HHAT: variants seen among roughly 807,000 people sequenced by gnomAD.
The protein encoded by HHAT is protein-cysteine N-palmitoyltransferase HHAT.
A neutral mutation model predicts 70.8 loss-of-function variants in HHAT; 47 were observed. The observed-to-expected ratio is 0.66, with a 90% CI of 0.53 to 0.85. HHAT has a LOEUF of 0.85. Ranked by LOEUF, HHAT falls within the 40% of genes least tolerant of loss-of-function variation. The pLI, the probability that HHAT is intolerant of heterozygous loss-of-function variation, is 0.00. For synonymous variants in HHAT, 228 were observed against 247.6 expected (o/e 0.92, Z 0.74); for missense variants, 609 against 604.8 (o/e 1.01, Z -0.07).
At chr1:210,501,788 A>G (rs1572876652) in intron 8 of HHAT, among the ~76,000 whole-genome samples, 1 of 152,326 alleles carries the variant, frequency 6.6e-6, no homozygotes, top group Non-Finnish European at 1.5e-5. Flanking sequence ...GGTACAGGCC[A>G]GTGCTTAGAA....
intron 8 of HHAT, among the ~76,000 whole-genome samples, chr1:210,499,285 C>A (rs17016349): frequency 0.31 from 47,392 of 151,992 alleles, 8,613 homozygotes; most frequent in East Asian, 0.6. Flanking sequence ...TGACAGTTCA[C>A]AAATTGTGGC....
intron 9 of HHAT, among the ~76,000 whole-genome samples, chr1:210,585,542 C>G (rs1660246157): frequency 6.6e-6 from 1 of 152,088 alleles, no homozygotes; most frequent in Admixed American, 6.5e-5. Flanking sequence ...CCTCAGCCTT[C>G]CAAGTAGCTG....
chr1:210,544,471 C>T (rs552120757), intron 9 of HHAT, among the ~76,000 whole-genome samples: 1 of 144,266 alleles, frequency 6.9e-6, no homozygotes, highest in East Asian at 2.3e-4. Flanking sequence ...CTCCCGGGTT[C>T]AAGGAATTCT....
chr1:210,374,124 C>T (rs193197357), intron 3 of HHAT: 30 of 107,616 alleles, frequency 2.8e-4, no homozygotes, highest in African/African-American at 5.0e-4. Flanking sequence ...TAATGTTTTC[C>T]TCTTTAAGTC....
At chr1:210,470,358 C>G (rs1200129339) in intron 8 of HHAT, among the ~76,000 whole-genome samples, 2 of 152,154 alleles carry the variant, frequency 1.3e-5, no homozygotes, top group Non-Finnish European at 2.9e-5. Flanking sequence ...CAAGCAGTTT[C>G]CAGCCACTAG....
At chr1:210,660,890 C>A (rs1262325328) in intron 11 of HHAT, among the ~76,000 whole-genome samples, 1 of 152,148 alleles carries the variant, frequency 6.6e-6, no homozygotes, top group East Asian at 1.9e-4. Flanking sequence ...GGATCCCTTC[C>A]TTACACCTTA....
intron 8 of HHAT, among the ~76,000 whole-genome samples, chr1:210,476,468 C>T (rs898986151): frequency 1.3e-5 from 2 of 152,214 alleles, no homozygotes; most frequent in Non-Finnish European, 2.9e-5. Flanking sequence ...CTGGCTCCAA[C>T]CTTCTATTAG....
chr1:210,509,829 C>A (rs1190364130), intron 8 of HHAT, among the ~76,000 whole-genome samples: 2 of 152,130 alleles, frequency 1.3e-5, no homozygotes, highest in Admixed American at 6.5e-5. Flanking sequence ...GTATATTCTA[C>A]TCATATCTTG....
chr1:210,366,286 T>C (rs2088958358), intron 3 of HHAT, among the ~76,000 whole-genome samples: 1 of 152,138 alleles, frequency 6.6e-6, no homozygotes, highest in Admixed American at 6.5e-5. Context: ...TCAGAGTCCC[T>C]GGACTCTACC....
In HHAT at chr1:210,493,835, C is replaced by A. The variant is rs140403824; in HGVS notation, c.1008-19318C>A. On this transcript the variant is annotated intron_variant, in intron 8 of 11. Coordinates refer to ENST00000261458, the MANE Select transcript of HHAT (RefSeq NM_018194.6). Reference sequence around the variant, plus strand: ...TCATTACTTACCCATATTAAACTTACCGGTTCCTTGCATCACCACCTCAAA... The same window carrying A: ...TCATTACTTACCCATATTAAACTTAACGGTTCCTTGCATCACCACCTCAAA... Among the ~76,000 whole-genome samples, 59 of 152,302 alleles carry A rather than the reference C, an allele frequency of 3.9e-4. No individual in the cohort carries two copies. In the East Asian group the frequency reaches 0.011, roughly 28 times the overall value.
At position 210,592,483 on chromosome 1, in the gene HHAT, A is replaced by G. The variant is rs140934390; in HGVS notation, c.1245+4384A>G. 1.2e-3 allele frequency among the ~76,000 whole-genome samples: 182 copies of G among 151,924 alleles called. 3 individuals carry two copies. In the East Asian group the frequency reaches 0.029, roughly 25 times the overall value. ...AGTAATGTGATTCCTCCAGTTTTGT[A>G]ATTTTTCCTCAGAATAGCTTTGGTT... is the stretch of plus-strand genomic sequence containing the variant. On this transcript the variant is annotated intron_variant, in intron 10 of 11. Transcript: ENST00000261458.
chr1:210,561,341 G>A (rs2095621242), intron 9 of HHAT, among the ~76,000 whole-genome samples: 1 of 152,188 alleles, frequency 6.6e-6, no homozygotes, highest in African/African-American at 2.4e-5. Context: ...TTGCATAAAT[G>A]TTGTATAAAT....
At chr1:210,644,310 A>G (rs947331566) in intron 11 of HHAT, among the ~76,000 whole-genome samples, 6 of 152,188 alleles carry the variant, frequency 3.9e-5, no homozygotes, top group East Asian at 3.8e-4. Flanking sequence ...ATCTAAGAAG[A>G]AGTAGCCTTG....
intron 3 of HHAT, among the ~76,000 whole-genome samples, chr1:210,386,778 G>A (rs1007602931): frequency 6.6e-6 from 1 of 152,176 alleles, no homozygotes; most frequent in African/African-American, 2.4e-5. Flanking sequence ...TGTTGTCAGA[G>A]GTTTCTACCT....
chr1:210,665,125 C>G (rs1034811057), intron 11 of HHAT, among the ~76,000 whole-genome samples: 8 of 152,214 alleles, frequency 5.3e-5, no homozygotes, highest in Admixed American at 3.3e-4. Context: ...TGGGCTGTTA[C>G]ATGTGCATAG....
intron 11 of HHAT, among the ~76,000 whole-genome samples, chr1:210,627,801 A>T (rs1670110239): frequency 6.6e-6 from 1 of 152,216 alleles, no homozygotes; most frequent in South Asian, 2.1e-4. Flanking sequence ...GAATATGCAT[A>T]TCTAGGGCTC....
intron 9 of HHAT, among the ~76,000 whole-genome samples, chr1:210,542,746 G>A (rs977169009): frequency 3.3e-5 from 5 of 152,128 alleles, no homozygotes; most frequent in Non-Finnish European, 4.4e-5. Context: ...GCTGTGGTGA[G>A]CTAGGATCAA....
intron 7 of HHAT, among the ~76,000 whole-genome samples, chr1:210,441,276 G>A (rs1185046823): frequency 6.6e-6 from 1 of 152,230 alleles, no homozygotes; most frequent in Admixed American, 6.5e-5. Flanking sequence ...CTTGTTGAAT[G>A]GCTTGAGAAT....
At chr1:210,638,031 A>G (rs562594272) in intron 11 of HHAT, among the ~76,000 whole-genome samples, 7 of 152,338 alleles carry the variant, frequency 4.6e-5, no homozygotes, top group Non-Finnish European at 7.3e-5. Context: ...CTATAATAAC[A>G]AAAAATGGAA....
Sources: gnomAD v4.1 joint callset for allele counts (sites outside exome capture counted in the v4.1 genomes callset) on GRCh38, gnomAD v4.1.1 for gene constraint, MANE v1.5 for transcripts, NCBI Gene and HGNC (gene_info 2026-07-23, HGNC 2026-07-21) for gene names.